CSMD1: variants seen among roughly 807,000 people sequenced by gnomAD.
CSMD1 encodes CUB and Sushi multiple domains 1, also known as CUB and sushi domain-containing protein 1.
Under a neutral mutation model 417.5 loss-of-function variants are expected in CSMD1, and 213 were observed. The observed-to-expected ratio is 0.51, with a 90% CI of 0.46 to 0.57. The LOEUF is 0.57. Ranked by LOEUF, CSMD1 falls within the 20% of genes least tolerant of loss-of-function variation. The probability of loss-of-function intolerance (pLI) is 0.00; values close to 1 mark genes in which losing one functional copy is unlikely to be tolerated. For missense variants in CSMD1, 6,923 were observed against 4,529.7 expected, an observed-to-expected ratio of 1.53 and a Z score of -15.17; for synonymous variants, 2,862 against 1,736.8, an observed-to-expected ratio of 1.65 and a Z score of -16.11.
intron 44 of CSMD1, 99 bp from the exon 45 acceptor site, chr8:3,107,897 A>C: frequency 1.4e-6 from 1 of 736,578 alleles, no homozygotes; most frequent in Non-Finnish European, 2.3e-6. Flanking sequence ...TATAATGCTT[A>C]AGTACACGGA....
intron 3 of CSMD1, among the ~76,000 whole-genome samples, chr8:4,321,400 C>T (rs749456056): frequency 2.0e-4 from 30 of 152,112 alleles, no homozygotes; most frequent in African/African-American, 6.8e-4. Context: ...GAGTTTTTTT[C>T]ATCCCAAACC....
At chr8:3,787,931 G>A (rs867463981) in intron 5 of CSMD1, among the ~76,000 whole-genome samples, 4 of 152,168 alleles carry the variant, frequency 2.6e-5, no homozygotes, top group South Asian at 2.1e-4. Context: ...GTGAGGGGAA[G>A]GAGATGGGCA....
At chr8:4,887,702 G>T (rs1195115187) in intron 1 of CSMD1, among the ~76,000 whole-genome samples, 1 of 151,474 alleles carries the variant, frequency 6.6e-6, no homozygotes, top group Admixed American at 6.6e-5. Context: ...TGCTTTATTT[G>T]CTTTGTTGGT....
At chr8:4,970,154 T>A (rs1199971758) in intron 1 of CSMD1, among the ~76,000 whole-genome samples, 1 of 152,144 alleles carries the variant, frequency 6.6e-6, no homozygotes, top group Non-Finnish European at 1.5e-5. Flanking sequence ...TATCCTACTT[T>A]ATTATTGGAG....
intron 7 of CSMD1, among the ~76,000 whole-genome samples, chr8:3,658,108 A>G (rs1798222232): frequency 6.6e-6 from 1 of 152,200 alleles, no homozygotes; most frequent in South Asian, 2.1e-4. Context: ...CAACATTATT[A>G]TCATCAAATA....
At chr8:3,300,657 A>G (rs994727487) in intron 25 of CSMD1, among the ~76,000 whole-genome samples, 1 of 152,134 alleles carries the variant, frequency 6.6e-6, no homozygotes, top group Non-Finnish European at 1.5e-5. Flanking sequence ...ATTATGTACA[A>G]CATGAAAAAT....
At chr8:3,262,138 G>A (rs1801111236) in intron 26 of CSMD1, among the ~76,000 whole-genome samples, 1 of 135,362 alleles carries the variant, frequency 7.4e-6, no homozygotes, top group East Asian at 2.3e-4. Flanking sequence ...TTTGAATTAT[G>A]GACAGTGAAT....
chr8:4,318,053 C>G (rs887652805), intron 3 of CSMD1, among the ~76,000 whole-genome samples: 1 of 152,032 alleles, frequency 6.6e-6, no homozygotes, highest in Non-Finnish European at 1.5e-5. Flanking sequence ...ATTGTGCGTT[C>G]GTTTTTTCTC....
intron 11 of CSMD1, among the ~76,000 whole-genome samples, chr8:3,487,871 C>T (rs1818148314): frequency 6.6e-6 from 1 of 151,476 alleles, no homozygotes; most frequent in African/African-American, 2.4e-5. Flanking sequence ...GTAACATTAC[C>T]AATTTTTTCT....
intron 46 of CSMD1, among the ~76,000 whole-genome samples, chr8:3,102,277 C>G (rs190226114): frequency 6.6e-6 from 1 of 152,212 alleles, no homozygotes; most frequent in Admixed American, 6.5e-5. Flanking sequence ...TGGTAAAAGA[C>G]ATCTAGGGTC....
At chr8:4,081,261 T>G (rs1800115292) in intron 3 of CSMD1, among the ~76,000 whole-genome samples, 1 of 152,214 alleles carries the variant, frequency 6.6e-6, no homozygotes, top group Non-Finnish European at 1.5e-5. Context: ...TAGCTCATTT[T>G]GAAATACGCC....
At chr8:3,636,974 GTC>G (rs995707495) in intron 7 of CSMD1, among the ~76,000 whole-genome samples, 1 of 151,918 alleles carries the variant, frequency 6.6e-6, no homozygotes, top group Non-Finnish European at 1.5e-5. Flanking sequence ...ATGCGAATTT[GTC>G]TCTCTCTCTC....
chr8:3,378,166 G>C lies in CSMD1; in HGVS notation c.2783-8796C>G, dbSNP rs77176756. On this transcript the variant is annotated intron_variant, in intron 18 of 69. Transcript: ENST00000635120. ...AGTTTTATTTTCTAGGTCACCTGCTGGGTAGAGTAGAAAATAGTCTTGGCT... is the reference window on the plus strand; with the variant it reads ...AGTTTTATTTTCTAGGTCACCTGCTCGGTAGAGTAGAAAATAGTCTTGGCT... Among the ~76,000 whole-genome samples the C allele has an allele frequency of 3.7e-3, 559 of 152,304 alleles. 17 individuals are homozygous for C. The East Asian group carries it at 0.063, about 17-fold the overall frequency.
intron 3 of CSMD1, among the ~76,000 whole-genome samples, chr8:4,107,335 G>C (rs1801620348): frequency 6.6e-6 from 1 of 152,152 alleles, no homozygotes; most frequent in African/African-American, 2.4e-5. Context: ...TTTCCATTCA[G>C]GAATAAAGCT....
intron 5 of CSMD1, among the ~76,000 whole-genome samples, chr8:3,851,614 G>GA (rs1165036788): frequency 2.0e-5 from 3 of 151,796 alleles, no homozygotes; most frequent in Non-Finnish European, 2.9e-5. Context: ...TTTCACTGGA[G>GA]AAAAAAACAT....
chr8:3,984,424 T>C (rs1463933333), intron 5 of CSMD1, among the ~76,000 whole-genome samples: 1 of 152,184 alleles, frequency 6.6e-6, no homozygotes, highest in Admixed American at 6.5e-5. Flanking sequence ...GGTTCTAAGA[T>C]AACAAACCTA....
intron 3 of CSMD1, among the ~76,000 whole-genome samples, chr8:4,397,049 AATT>A (rs1424346299): frequency 6.6e-6 from 1 of 151,914 alleles, no homozygotes; most frequent in Non-Finnish European, 1.5e-5. Flanking sequence ...AATAAAGAAA[AATT>A]ATTACCCTTC....
intron 1 of CSMD1, among the ~76,000 whole-genome samples, chr8:4,831,425 A>G (rs1363041814): frequency 6.6e-6 from 1 of 152,208 alleles, no homozygotes; most frequent in African/African-American, 2.4e-5. Context: ...AACTACAAAT[A>G]TCCATATGCA....
At chr8:4,750,635 C>T (rs371689701) in intron 1 of CSMD1, among the ~76,000 whole-genome samples, 6 of 151,738 alleles carry the variant, frequency 4.0e-5, no homozygotes, top group Non-Finnish European at 5.9e-5. Context: ...CAAGGACATA[C>T]ACATCTAAAT....
Sources: gnomAD v4.1 joint callset for allele counts (sites outside exome capture counted in the v4.1 genomes callset) on GRCh38, gnomAD v4.1.1 for gene constraint, MANE v1.5 for transcripts, NCBI Gene and HGNC (gene_info 2026-07-23, HGNC 2026-07-21) for gene names.